Variants in ZNF722 observed in about 807,000 individuals in gnomAD.
ZNF722 encodes zinc finger protein 722.
chr7:64,002,217 G>T, the ZNF722 span, among the ~76,000 whole-genome samples: 3 of 152,034 alleles, frequency 2.0e-5, no homozygotes, highest in Admixed American at 6.6e-5. Context: ...CTTCATTTCA[G>T]CTCTGATTTT....
At chr7:64,008,016 T>C in the ZNF722 span, among the ~76,000 whole-genome samples, 14 of 152,236 alleles carry the variant, frequency 9.2e-5, no homozygotes, top group Non-Finnish European at 1.5e-4. Context: ...TTTTTTCACA[T>C]GTCTGTTGGC....
chr7:64,004,455 T>TAA, the ZNF722 span, among the ~76,000 whole-genome samples: 9 of 132,600 alleles, frequency 6.8e-5, no homozygotes, highest in South Asian at 4.8e-4. Context: ...TATATATATA[T>TAA]AAAATTAAAT....
At chr7:64,004,425 A>AAAAAATATATATATATAT in the ZNF722 span, among the ~76,000 whole-genome samples, 2 of 61,110 alleles carry the variant, frequency 3.3e-5, no homozygotes, top group African/African-American at 1.6e-4. Flanking sequence ...AAAAAAAAAA[A>AAAAAATATATATATATAT]ATATATATAT....
the ZNF722 span, among the ~76,000 whole-genome samples, chr7:64,004,425 A>AAAAAAAAT: frequency 1.6e-3 from 98 of 61,112 alleles, no homozygotes; most frequent in Non-Finnish European, 2.1e-3. Flanking sequence ...AAAAAAAAAA[A>AAAAAAAAT]ATATATATAT....
At chr7:64,016,801 A>G in the ZNF722 span, among the ~76,000 whole-genome samples, 8 of 152,324 alleles carry the variant, frequency 5.3e-5, no homozygotes, top group Middle Eastern at 3.4e-3. Context: ...GCATTTAACC[A>G]TACCTCAAAC....
At chr7:64,004,456 A>ATAT in the ZNF722 span, among the ~76,000 whole-genome samples, 1 of 140,210 alleles carries the variant, frequency 7.1e-6, no homozygotes, top group African/African-American at 2.7e-5. Flanking sequence ...ATATATATAT[A>ATAT]AAATTAAATT....
the ZNF722 span, among the ~76,000 whole-genome samples, chr7:64,001,272 G>C: frequency 1.3e-5 from 2 of 152,152 alleles, no homozygotes; most frequent in Non-Finnish European, 2.9e-5. Flanking sequence ...CTCAGTGTCT[G>C]TCTGTTGTTC....
the ZNF722 span, among the ~76,000 whole-genome samples, chr7:64,004,410 TAAAAAAA>T: frequency 1.1e-3 from 38 of 35,256 alleles, no homozygotes; most frequent in African/African-American, 4.4e-3. Flanking sequence ...CTCTGTCTCT[TAAAAAAA>T]AAAAAAAAAT....
chr7:64,017,994 T>G, the ZNF722 span, among the ~76,000 whole-genome samples: 1 of 152,216 alleles, frequency 6.6e-6, no homozygotes, highest in South Asian at 2.1e-4. Flanking sequence ...ATATAAGAGA[T>G]TGTTTATCAA....
the ZNF722 span, among the ~76,000 whole-genome samples, chr7:64,011,256 G>T: frequency 6.6e-6 from 1 of 152,036 alleles, no homozygotes; most frequent in Non-Finnish European, 1.5e-5. Flanking sequence ...TACATTTAAG[G>T]TTAATATTGT....
the ZNF722 span, among the ~76,000 whole-genome samples, chr7:64,013,764 C>T: frequency 6.6e-5 from 10 of 151,898 alleles, no homozygotes; most frequent in South Asian, 8.3e-4. Flanking sequence ...ATATATTCTT[C>T]GTCATATTAT....
chr7:64,009,478 T>A, the ZNF722 span, among the ~76,000 whole-genome samples: 1 of 152,238 alleles, frequency 6.6e-6, no homozygotes, highest in Non-Finnish European at 1.5e-5. Context: ...GTCAAAGGCC[T>A]TTTCTGCATC....
At chr7:64,013,492 A>C in the ZNF722 span, among the ~76,000 whole-genome samples, 1 of 152,026 alleles carries the variant, frequency 6.6e-6, no homozygotes, top group South Asian at 2.1e-4. Context: ...AACCTGTTAA[A>C]GTTACAACAG....
chr7:64,004,425 A>AAAAAAAAAAAAAAAATATATATATATAT, the ZNF722 span, among the ~76,000 whole-genome samples: 1 of 61,120 alleles, frequency 1.6e-5, no homozygotes, highest in African/African-American at 8.0e-5. Context: ...AAAAAAAAAA[A>AAAAAAAAAAAAAAAATATATATATATAT]ATATATATAT....
chr7:64,006,314 A>T, the ZNF722 span: 1 of 1,297,174 alleles, frequency 7.7e-7, no homozygotes. Context: ...GTAGCCAAAC[A>T]CCCAGGTAGG....
the ZNF722 span, chr7:64,005,697 G>A: frequency 2.6e-6 from 4 of 1,566,748 alleles, no homozygotes; most frequent in Non-Finnish European, 3.5e-6. Context: ...AATTTATATA[G>A]AGATGTGATG....
the ZNF722 span, among the ~76,000 whole-genome samples, chr7:64,010,719 C>T: frequency 1.3e-5 from 2 of 152,018 alleles, no homozygotes; most frequent in African/African-American, 2.4e-5. Flanking sequence ...ATGTACATTC[C>T]GTTGCTTTTG....
the ZNF722 span, chr7:63,998,976 G>A: frequency 3.8e-6 from 6 of 1,579,498 alleles, no homozygotes; most frequent in East Asian, 4.5e-5. Context: ...CTGAAAGACC[G>A]GGATCCCCTG....
the ZNF722 span, among the ~76,000 whole-genome samples, chr7:64,004,126 C>T: frequency 1.3e-5 from 2 of 151,622 alleles, no homozygotes; most frequent in Admixed American, 6.6e-5. Context: ...TTAGGCCGGG[C>T]GCAGTGTCTC....
Sources: allele counts gnomAD v4.1 joint callset (sites outside exome capture counted in the v4.1 genomes callset), GRCh38; gene constraint gnomAD v4.1.1; transcripts MANE v1.5; gene names NCBI Gene and HGNC (gene_info 2026-07-23, HGNC 2026-07-21).